The following AOAH variants were observed in gnomAD, a reference collection of about 807,000 sequenced individuals.
AOAH encodes the protein acyloxyacyl hydrolase (neutrophil).
In AOAH, 64 loss-of-function variants were observed where a neutral mutation model predicts 92.2. That is an observed-to-expected ratio of 0.69 (90% CI 0.57 to 0.86). The LOEUF is 0.86. Ranked by LOEUF, AOAH falls within the 40% of genes least tolerant of loss-of-function variation. The pLI, the probability that AOAH is intolerant of heterozygous loss-of-function variation, is 0.00. For missense variants in AOAH, 656 were observed against 694.6 expected (o/e 0.94, Z 0.62); for synonymous variants, 263 against 254.5 (o/e 1.03, Z -0.32).
intron 5 of AOAH, among the ~76,000 whole-genome samples, chr7:36,636,378 T>A (rs937122505): frequency 1.4e-5 from 2 of 138,534 alleles, no homozygotes; most frequent in Non-Finnish European, 3.0e-5. Flanking sequence ...TGTAAAATCC[T>A]AATTAGGAGT....
At chr7:36,701,790 T>C (rs1040287898) in intron 1 of AOAH, among the ~76,000 whole-genome samples, 1 of 152,010 alleles carries the variant, frequency 6.6e-6, no homozygotes, top group Non-Finnish European at 1.5e-5. Flanking sequence ...TTCATTCACA[T>C]ATAATGTCAT....
At chr7:36,594,672 T>C (rs1789983904) in intron 11 of AOAH, 1 of 545,806 alleles carries the variant, frequency 1.8e-6, no homozygotes, top group African/African-American at 1.9e-5. Flanking sequence ...ATGCAGAACA[T>C]TTGGCATCTC....
intron 3 of AOAH, among the ~76,000 whole-genome samples, chr7:36,672,882 T>C (rs1263936250): frequency 1.3e-5 from 2 of 148,486 alleles, no homozygotes; most frequent in Middle Eastern, 3.4e-3. Flanking sequence ...AAAATGTTTA[T>C]AATAACATGT....
chr7:36,712,026 T>C (rs1798800809), intron 1 of AOAH, among the ~76,000 whole-genome samples: 1 of 152,230 alleles, frequency 6.6e-6, no homozygotes, highest in Admixed American at 6.5e-5. Flanking sequence ...GATGAAATGT[T>C]TTCTGCTATC....
intron 1 of AOAH, among the ~76,000 whole-genome samples, chr7:36,717,626 T>C (rs1799303437): frequency 6.6e-6 from 1 of 151,996 alleles, no homozygotes; most frequent in Non-Finnish European, 1.5e-5. Flanking sequence ...GCGGCCAACA[T>C]TTTTTGTTTC....
intron 4 of AOAH, among the ~76,000 whole-genome samples, chr7:36,646,084 T>A (rs1794205620): frequency 6.6e-6 from 1 of 152,242 alleles, no homozygotes; most frequent in Non-Finnish European, 1.5e-5. Flanking sequence ...ACCACCACCA[T>A]CACATACCAC....
chr7:36,667,817 C>A (rs1216328877), intron 3 of AOAH, among the ~76,000 whole-genome samples: 2 of 152,192 alleles, frequency 1.3e-5, no homozygotes, highest in Non-Finnish European at 2.9e-5. Flanking sequence ...ATCCCTTTAT[C>A]CCTGATAACT....
chr7:36,628,060 A>G (rs531372398), intron 6 of AOAH, among the ~76,000 whole-genome samples: 1 of 152,132 alleles, frequency 6.6e-6, no homozygotes, highest in Non-Finnish European at 1.5e-5. Context: ...GAGAACAGAG[A>G]AGCCATGGAA....
At chr7:36,653,662 T>G (rs1474904028) in intron 4 of AOAH, among the ~76,000 whole-genome samples, 1 of 152,222 alleles carries the variant, frequency 6.6e-6, no homozygotes, top group African/African-American at 2.4e-5. Flanking sequence ...ACCCAGCAGT[T>G]CAGGAGGCCC....
At chr7:36,628,576 G>A (rs748242108) in intron 6 of AOAH, among the ~76,000 whole-genome samples, 10 of 152,298 alleles carry the variant, frequency 6.6e-5, no homozygotes, top group Middle Eastern at 3.4e-3. Context: ...ATAAGGCGGA[G>A]CAGGCACTAG....
chr7:36,621,346 T>C (rs1179905696), intron 8 of AOAH, among the ~76,000 whole-genome samples: 1 of 152,242 alleles, frequency 6.6e-6, no homozygotes, highest in African/African-American at 2.4e-5. Flanking sequence ...CCACTATTTC[T>C]GGGCCCAATT....
intron 13 of AOAH, among the ~76,000 whole-genome samples, chr7:36,553,078 T>TATC (rs1184189028): frequency 6.6e-6 from 1 of 151,020 alleles, no homozygotes; most frequent in African/African-American, 2.4e-5. Context: ...ACTAACTCGT[T>TATC]ATCTAGCATT....
chr7:36,640,009 A>G (rs1482039105), intron 4 of AOAH, among the ~76,000 whole-genome samples: 1 of 152,222 alleles, frequency 6.6e-6, no homozygotes, highest in African/African-American at 2.4e-5. Context: ...CAAGTGCTGC[A>G]GCAGAGGCTG....
In AOAH at chr7:36,610,005, C is replaced by A. The variant is rs149034200; in HGVS notation, c.846+6375G>T. 2.6e-4 allele frequency among the ~76,000 whole-genome samples: 39 copies of A among 152,050 alleles called. 1 individual carries two copies. The highest frequency in any genetic ancestry group is 2.3e-3 in the Admixed American group (35 of 15,264). On this transcript the variant is annotated intron_variant, in intron 11 of 20. Coordinates refer to ENST00000617537, the MANE Select transcript of AOAH (RefSeq NM_001637.4). ...AAACACGAGGTGTCTGAGCTCAACA[C>A]ACCTCATGGCTATTGGCTAAGCCTG...
At chr7:36,660,779 T>G (rs898261143) in intron 3 of AOAH, among the ~76,000 whole-genome samples, 1 of 152,210 alleles carries the variant, frequency 6.6e-6, no homozygotes, top group Non-Finnish European at 1.5e-5. Context: ...AAAACTCTTC[T>G]TACCAAGAAA....
chr7:36,549,328 C>T lies in AOAH; in HGVS notation c.1058+111G>A. 3 of 816,934 alleles carry T rather than the reference C, an allele frequency of 3.7e-6. No homozygotes were observed. The South Asian group carries it at 4.4e-5, about 12-fold the overall frequency. The allele number at this position is 816,934 out of a possible 1,614,324, so 50.6% of individuals were successfully genotyped here. Reference sequence around the variant, plus strand: ...TGATATCCTTGAGTTTGGATAGTGACTAACAAGCTATTTATGCTCAGTAAA... The same window carrying T: ...TGATATCCTTGAGTTTGGATAGTGATTAACAAGCTATTTATGCTCAGTAAA... On this transcript the variant is annotated intron_variant, in intron 14 of 20. Transcript: ENST00000617537.
intron 1 of AOAH, among the ~76,000 whole-genome samples, chr7:36,699,914 A>G (rs750643914): frequency 6.6e-5 from 10 of 151,950 alleles, no homozygotes; most frequent in Non-Finnish European, 1.0e-4. Context: ...TTCTTCTAGT[A>G]GTTTTGTAGT....
At chr7:36,705,667 G>A (rs891389772) in intron 1 of AOAH, among the ~76,000 whole-genome samples, 7 of 152,064 alleles carry the variant, frequency 4.6e-5, no homozygotes, top group Admixed American at 6.6e-5. Flanking sequence ...AAAAGAGCCC[G>A]TATATCCAAG....
chr7:36,711,968 GA>G (rs1205384380), intron 1 of AOAH, among the ~76,000 whole-genome samples: 2 of 152,188 alleles, frequency 1.3e-5, no homozygotes, highest in Non-Finnish European at 2.9e-5. Flanking sequence ...GAAGGAAGAG[GA>G]AAAGCTAGTT....
Sources: allele counts gnomAD v4.1 joint callset (sites outside exome capture counted in the v4.1 genomes callset), GRCh38; gene constraint gnomAD v4.1.1; transcripts MANE v1.5; gene names NCBI Gene and HGNC (gene_info 2026-07-23, HGNC 2026-07-21).